Variants in ZNF423 observed in about 807,000 individuals in gnomAD.
ZNF423 encodes Ebf-associated zinc finger protein.
In ZNF423, 12 loss-of-function variants were observed where a neutral mutation model predicts 95.8. The ratio of observed to expected loss-of-function variants is 0.13; its 90% confidence interval spans 0.08 to 0.20. ZNF423 has a LOEUF of 0.20. Among genes scored for constraint, ZNF423 ranks in the 10% least tolerant of loss-of-function variants. The probability of loss-of-function intolerance (pLI) is 1.00; values close to 1 mark genes in which losing one functional copy is unlikely to be tolerated. For missense variants in ZNF423, 1,316 were observed against 1,737.1 expected (o/e 0.76, Z 4.31); for synonymous variants, 749 against 711.9 (o/e 1.05, Z -0.83).
intron 7 of ZNF423, among the ~76,000 whole-genome samples, chr16:49,515,204 T>TG (rs1287612975): frequency 6.6e-6 from 1 of 152,238 alleles, no homozygotes; most frequent in African/African-American, 2.4e-5. Flanking sequence ...CTGGCAAACG[T>TG]GGCCATGCAC....
intron 5 of ZNF423, among the ~76,000 whole-genome samples, chr16:49,540,809 A>G (rs1295232278): frequency 6.6e-6 from 1 of 151,992 alleles, no homozygotes; most frequent in South Asian, 2.1e-4. Context: ...ACCCAGCCCT[A>G]TCCTGGCCTC....
At chr16:49,698,961 C>A (rs1189976031) in intron 3 of ZNF423, among the ~76,000 whole-genome samples, 1 of 152,218 alleles carries the variant, frequency 6.6e-6, no homozygotes, top group African/African-American at 2.4e-5. Flanking sequence ...TATTATCTTT[C>A]TTGTAAAATA....
chr16:49,731,235 C>A (rs750732740), intron 2 of ZNF423: 2 of 796,512 alleles, frequency 2.5e-6, no homozygotes, highest in Non-Finnish European at 3.0e-6. Flanking sequence ...TGCTGGGGGC[C>A]GTGACCCATC....
chr16:49,600,640 C>G (rs1971334648), intron 5 of ZNF423, among the ~76,000 whole-genome samples: 1 of 152,142 alleles, frequency 6.6e-6, no homozygotes, highest in South Asian at 2.1e-4. Flanking sequence ...CCATGGCCTC[C>G]CCTCTCTCGT....
chr16:49,693,588 G>A (rs2031867061), intron 3 of ZNF423, among the ~76,000 whole-genome samples: 1 of 152,148 alleles, frequency 6.6e-6, no homozygotes, highest in Non-Finnish European at 1.5e-5. Flanking sequence ...CTTCAAGCCT[G>A]GCCAAATAGC....
intron 3 of ZNF423, among the ~76,000 whole-genome samples, chr16:49,707,009 G>C (rs986004694): frequency 3.3e-5 from 5 of 152,192 alleles, no homozygotes; most frequent in African/African-American, 1.2e-4. Flanking sequence ...ACCGGATCCT[G>C]TCACCCTTCT....
rs150792606 is a variant in ZNF423 at position 49,661,039 on chromosome 16, G to A, written c.302-22165C>T. 8.1e-3 allele frequency among the ~76,000 whole-genome samples: 1,235 copies of A among 152,164 alleles called. 20 individuals are homozygous for A. The highest frequency in any genetic ancestry group is 0.029 in the African/African-American group (1,185 of 41,500). ...CGTTCAAGACCAGCCTGGCCAACAT[G>A]GTGAAACCTTGTCTCTACTAAAAAT... On this transcript the variant is annotated intron_variant, in intron 3 of 7. Transcript: ENST00000563137.
intron 3 of ZNF423, among the ~76,000 whole-genome samples, chr16:49,644,657 TCAAAA>T (rs1973106110): frequency 2.9e-5 from 1 of 34,914 alleles, no homozygotes; most frequent in African/African-American, 9.9e-5. Flanking sequence ...AAACTCTGAC[TCAAAA>T]AAAAAAAAAA....
At chr16:49,745,628 G>A (rs4785339) in intron 2 of ZNF423, among the ~76,000 whole-genome samples, 10,916 of 152,244 alleles carry the variant, frequency 0.072, 484 homozygotes, top group East Asian at 0.15. Flanking sequence ...TGGTCTTCCC[G>A]TTCGCAGCGT....
intron 2 of ZNF423, among the ~76,000 whole-genome samples, chr16:49,736,482 C>T (rs2033288587): frequency 6.6e-6 from 1 of 152,172 alleles, no homozygotes. Flanking sequence ...CAAAACCTTT[C>T]ACCTCAATCA....
intron 1 of ZNF423, chr16:49,853,861 G>A (rs997763981): frequency 1.0e-5 from 10 of 985,398 alleles, no homozygotes; most frequent in Middle Eastern, 5.2e-4. Context: ...GAGGTTTGGA[G>A]AAGTGGATTG....
chr16:49,677,460 G>A (rs2031160925), intron 3 of ZNF423, among the ~76,000 whole-genome samples: 1 of 151,228 alleles, frequency 6.6e-6, no homozygotes, highest in African/African-American at 2.4e-5. Flanking sequence ...AGAAAGAAGA[G>A]AAGAGAAAAG....
chr16:49,646,188 G>A (rs926572873), intron 3 of ZNF423, among the ~76,000 whole-genome samples: 1 of 152,204 alleles, frequency 6.6e-6, no homozygotes, highest in African/African-American at 2.4e-5. Context: ...AGAGCCTGGG[G>A]TAATAAGAGC....
chr16:49,796,340 G>T (rs571810853), intron 1 of ZNF423, among the ~76,000 whole-genome samples: 13 of 152,250 alleles, frequency 8.5e-5, no homozygotes, highest in African/African-American at 3.1e-4. Flanking sequence ...ACACCTGCAT[G>T]CACCACCTCC....
At chr16:49,690,009 C>T (rs1424173307) in intron 3 of ZNF423, among the ~76,000 whole-genome samples, 1 of 152,188 alleles carries the variant, frequency 6.6e-6, no homozygotes, top group Non-Finnish European at 1.5e-5. Context: ...CCAGGAAAGG[C>T]TTCCTCTCCA....
chr16:49,744,958 A>G (rs2033491650), intron 2 of ZNF423, among the ~76,000 whole-genome samples: 1 of 152,200 alleles, frequency 6.6e-6, no homozygotes, highest in Non-Finnish European at 1.5e-5. Context: ...CACACTGTGA[A>G]TCATTTCATT....
intron 5 of ZNF423, among the ~76,000 whole-genome samples, chr16:49,617,648 T>G (rs1029957744): frequency 6.6e-6 from 1 of 152,056 alleles, no homozygotes; most frequent in Non-Finnish European, 1.5e-5. Context: ...GAAACACACT[T>G]TGGTCTCTCT....
chr16:49,621,442 C>T (rs1567508862), intron 5 of ZNF423, among the ~76,000 whole-genome samples: 1 of 152,192 alleles, frequency 6.6e-6, no homozygotes, highest in Non-Finnish European at 1.5e-5. Context: ...GTCCCTGAGT[C>T]ATCATAACTC....
At chr16:49,776,327 G>A (rs1349092428) in intron 2 of ZNF423, among the ~76,000 whole-genome samples, 3 of 152,290 alleles carry the variant, frequency 2.0e-5, no homozygotes, top group Admixed American at 6.5e-5. Context: ...GTGGGGAGGC[G>A]ATGCCCTGCC....
Sources: gnomAD v4.1 joint callset for allele counts (sites outside exome capture counted in the v4.1 genomes callset) on GRCh38, gnomAD v4.1.1 for gene constraint, MANE v1.5 for transcripts, NCBI Gene and HGNC (gene_info 2026-07-23, HGNC 2026-07-21) for gene names.